Variants in CLNK observed in about 807,000 individuals in gnomAD.
The protein encoded by CLNK is cytokine-dependent hematopoietic cell linker.
CLNK carries 74 observed loss-of-function variants against 68.6 expected under a neutral mutation model. The ratio of observed to expected loss-of-function variants is 1.08; its 90% CI spans 0.89 to 1.31. The LOEUF (loss-of-function observed/expected upper bound fraction) is 1.31, where lower values mean the gene tolerates loss of function less well. Ranked by LOEUF, CLNK falls within the 50% of genes most tolerant of loss-of-function variation. The pLI, the probability that CLNK is intolerant of heterozygous loss-of-function variation, is 0.00. For missense variants in CLNK, 553 were observed against 515.3 expected, an observed-to-expected ratio of 1.07 and a Z score of -0.71; for synonymous variants, 198 against 172.2, an observed-to-expected ratio of 1.15 and a Z score of -1.17.
At chr4:10,635,618 C>T (rs1040841610) in intron 2 of CLNK, among the ~76,000 whole-genome samples, 2 of 152,148 alleles carry the variant, frequency 1.3e-5, no homozygotes, top group African/African-American at 2.4e-5. Context: ...CTGCTGATGT[C>T]CTTTAAATCT....
chr4:10,680,489 C>A (rs1411053357), intron 1 of CLNK, among the ~76,000 whole-genome samples: 2 of 151,796 alleles, frequency 1.3e-5, no homozygotes, highest in Non-Finnish European at 2.9e-5. Context: ...GCACGTTGTG[C>A]ACATGTACCC....
Position 10,633,083 on chromosome 4 carries a change from A to G in CLNK, c.11+34776T>C, listed in dbSNP as rs193271532. Reference sequence around the variant, plus strand: ...CTCCTGAGTATCTGGGATTACAGGCATGTGCTACCACACTAGGCTAATTTT... The same window carrying G: ...CTCCTGAGTATCTGGGATTACAGGCGTGTGCTACCACACTAGGCTAATTTT... On this transcript the variant is annotated intron_variant, in intron 2 of 18. Transcript: ENST00000226951. Among the ~76,000 whole-genome samples the G allele has an allele frequency of 4.7e-4, 72 of 152,278 alleles. No homozygotes were observed. In the East Asian group the frequency reaches 0.012, roughly 25 times the overall value.
At chr4:10,534,961 A>G (rs1422172192) in intron 11 of CLNK, among the ~76,000 whole-genome samples, 1 of 152,172 alleles carries the variant, frequency 6.6e-6, no homozygotes, top group East Asian at 1.9e-4. Context: ...CGATATCTAT[A>G]AAGACTTTTT....
At chr4:10,639,132 C>G (rs1723211575) in intron 2 of CLNK, among the ~76,000 whole-genome samples, 1 of 152,154 alleles carries the variant, frequency 6.6e-6, no homozygotes, top group Non-Finnish European at 1.5e-5. Flanking sequence ...ATATTCTTTA[C>G]CTGGCGAGTT....
Position 10,490,228 on chromosome 4 carries a change from A to G in CLNK, c.*239T>C, listed in dbSNP as rs11725527. 283,565 of 381,482 alleles carry G rather than the reference A, an allele frequency of 0.74. 106,786 individuals are homozygous for G. The highest frequency in any genetic ancestry group is 0.79 in the Non-Finnish European group (171,668 of 216,890). 23.6% of individuals were successfully genotyped at this position (381,482 alleles called of 1,614,324 possible). ...TTTTAAAACCCTAGTTTTTATTTTT[A>G]TTTATTTTCCAGTGGCCAGTTACTA... On this transcript the variant is annotated 3_prime_UTR_variant, in exon 19 of 19. Coordinates refer to ENST00000226951, the MANE Select transcript of CLNK (RefSeq NM_052964.4).
chr4:10,663,953 C>G (rs779451818), intron 2 of CLNK, among the ~76,000 whole-genome samples: 30 of 152,260 alleles, frequency 2.0e-4, no homozygotes, highest in Middle Eastern at 3.4e-3. Flanking sequence ...AGGAAGCACT[C>G]TCACCAGACA....
At chr4:10,679,908 C>T (rs1725028188) in intron 1 of CLNK, among the ~76,000 whole-genome samples, 1 of 152,150 alleles carries the variant, frequency 6.6e-6, no homozygotes, top group Admixed American at 6.5e-5. Context: ...AACACTTTTA[C>T]ACTGTTGGTG....
At chr4:10,661,303 C>G (rs928858118) in intron 2 of CLNK, among the ~76,000 whole-genome samples, 3 of 152,164 alleles carry the variant, frequency 2.0e-5, no homozygotes, top group Admixed American at 1.3e-4. Context: ...ATACACATCA[C>G]CACCTAGGAA....
At chr4:10,615,459 G>C (rs953673961) in intron 2 of CLNK, among the ~76,000 whole-genome samples, 1 of 152,182 alleles carries the variant, frequency 6.6e-6, no homozygotes, top group Non-Finnish European at 1.5e-5. Flanking sequence ...GGAGGTTGCA[G>C]TAAGCAGAGG....
intron 1 of CLNK, among the ~76,000 whole-genome samples, chr4:10,684,290 C>T (rs969599881): frequency 2.0e-5 from 3 of 152,058 alleles, no homozygotes; most frequent in African/African-American, 7.2e-5. Flanking sequence ...TTTGAATGAC[C>T]TACTTTGAAT....
chr4:10,519,989 C>T (rs149657460), intron 15 of CLNK, among the ~76,000 whole-genome samples: 5 of 151,818 alleles, frequency 3.3e-5, no homozygotes, highest in African/African-American at 7.2e-5. Flanking sequence ...AGTGGAGAAC[C>T]TCATCCTCTC....
At chr4:10,545,166 C>A (rs1474864591) in intron 8 of CLNK, among the ~76,000 whole-genome samples, 1 of 152,088 alleles carries the variant, frequency 6.6e-6, no homozygotes, top group African/African-American at 2.4e-5. Flanking sequence ...CCTTGTAGCC[C>A]CAAATTCTTA....
intron 2 of CLNK, among the ~76,000 whole-genome samples, chr4:10,610,864 G>C (rs1327997975): frequency 6.6e-6 from 1 of 151,050 alleles, no homozygotes; most frequent in Non-Finnish European, 1.5e-5. Flanking sequence ...CTGGTAAGTA[G>C]ACACCCCATA....
intron 1 of CLNK, among the ~76,000 whole-genome samples, chr4:10,684,236 T>C (rs1725187810): frequency 6.6e-6 from 1 of 152,174 alleles, no homozygotes. Flanking sequence ...CTTTAGAAAA[T>C]GTTAAAAATA....
chr4:10,671,082 C>A (rs1271936776), intron 1 of CLNK, among the ~76,000 whole-genome samples: 1 of 152,158 alleles, frequency 6.6e-6, no homozygotes, highest in Non-Finnish European at 1.5e-5. Context: ...ACTCTTCTGA[C>A]ATTTTAAAAA....
chr4:10,721,599 A>G, the CLNK span, among the ~76,000 whole-genome samples: 107 of 152,324 alleles, frequency 7.0e-4, no homozygotes, highest in Middle Eastern at 0.02. Context: ...TCATTTGCTG[A>G]TGAAGTCAAT....
chr4:10,613,086 T>C (rs6837605), intron 2 of CLNK, among the ~76,000 whole-genome samples: 2,907 of 152,264 alleles, frequency 0.019, 105 homozygotes, highest in African/African-American at 0.066. Flanking sequence ...ATAAAGAAGA[T>C]GGCTAATTCC....
Position 10,520,838 on chromosome 4 carries a change from GA to G in CLNK, c.732-8del. On this transcript the variant is annotated splice_region_variant and splice_polypyrimidine_tract_variant and intron_variant, in intron 14 of 18. Transcript: ENST00000226951. ...GCTTGTCGTGAATGAAGAACTATAA[GA>G]AAATATGTTAAAATTCAAAGAATGT... 1 of 1,596,126 alleles carries G rather than the reference GA, an allele frequency of 6.3e-7. No individual in the cohort carries two copies. The highest frequency in any genetic ancestry group is 8.6e-7 in the Non-Finnish European group (1 of 1,168,162).
At chr4:10,701,011 C>T in the CLNK span, among the ~76,000 whole-genome samples, 46 of 152,036 alleles carry the variant, frequency 3.0e-4, no homozygotes, top group Non-Finnish European at 1.0e-4. Context: ...ACCGTCTGCA[C>T]CCGTAAAAGC....
Sources: allele counts gnomAD v4.1 joint callset (sites outside exome capture counted in the v4.1 genomes callset), GRCh38; gene constraint gnomAD v4.1.1; transcripts MANE v1.5; gene names NCBI Gene and HGNC (gene_info 2026-07-23, HGNC 2026-07-21).